Variants in SMYD3 observed in about 807,000 individuals in gnomAD.
SMYD3 encodes the protein SET and MYND domain containing 3, also known as histone-lysine N-methyltransferase SMYD3.
In SMYD3, 36 loss-of-function variants were observed where a neutral mutation model predicts 57.7. The observed-to-expected ratio is 0.62, with a 90% CI of 0.48 to 0.82. The LOEUF (loss-of-function observed/expected upper bound fraction) is 0.82. Ranked by LOEUF, SMYD3 falls within the 40% of genes least tolerant of loss-of-function variation. The pLI is 0.00. For missense variants in SMYD3, 515 were observed against 538.8 expected (o/e 0.96, Z 0.44); for synonymous variants, 211 against 195.0 (o/e 1.08, Z -0.68).
At chr1:245,791,469 A>G (rs913366492) in intron 10 of SMYD3, among the ~76,000 whole-genome samples, 1 of 152,212 alleles carries the variant, frequency 6.6e-6, no homozygotes. Context: ...TGTCTCTGCT[A>G]GTAATCAAGG....
chr1:245,971,464 T>C (rs2058301339), intron 5 of SMYD3, among the ~76,000 whole-genome samples: 1 of 152,002 alleles, frequency 6.6e-6, no homozygotes, highest in South Asian at 2.1e-4. Context: ...AAAATCAATG[T>C]GTCATTTGAG....
At chr1:246,019,890 T>C (rs994770159) in intron 5 of SMYD3, among the ~76,000 whole-genome samples, 1 of 152,216 alleles carries the variant, frequency 6.6e-6, no homozygotes, top group African/African-American at 2.4e-5. Flanking sequence ...AAAATACATA[T>C]ATAGCAGCAT....
chr1:246,395,378 T>A (rs2066642572), intron 1 of SMYD3, among the ~76,000 whole-genome samples: 1 of 152,232 alleles, frequency 6.6e-6, no homozygotes, highest in Non-Finnish European at 1.5e-5. Context: ...AATACCAACA[T>A]CTCTCATGCA....
intron 1 of SMYD3, among the ~76,000 whole-genome samples, chr1:246,447,936 A>T (rs752274880): frequency 6.6e-6 from 1 of 152,178 alleles, no homozygotes; most frequent in Non-Finnish European, 1.5e-5. Context: ...ACAACTTTCC[A>T]CGTCTGCTTC....
At chr1:245,885,368 A>G (rs2053032099) in intron 8 of SMYD3, among the ~76,000 whole-genome samples, 1 of 152,186 alleles carries the variant, frequency 6.6e-6, no homozygotes. Context: ...GCCCCCAGGT[A>G]GCCTTTTCTT....
At chr1:245,915,734 CTTG>C (rs2055361159) in intron 7 of SMYD3, 94 bp from the exon 8 acceptor site, 2 of 807,230 alleles carry the variant, frequency 2.5e-6, no homozygotes, top group Non-Finnish European at 3.8e-6. Flanking sequence ...TGGAGTAAAA[CTTG>C]TTTTTATTAT....
chr1:246,117,728 A>C (rs1427639403), intron 5 of SMYD3, among the ~76,000 whole-genome samples: 1 of 152,192 alleles, frequency 6.6e-6, no homozygotes, highest in Non-Finnish European at 1.5e-5. Context: ...CAGGATGTGC[A>C]GGTTTGTTAC....
At chr1:245,770,156 G>A (rs2046278993) in intron 10 of SMYD3, among the ~76,000 whole-genome samples, 1 of 152,226 alleles carries the variant, frequency 6.6e-6, no homozygotes, top group Non-Finnish European at 1.5e-5. Context: ...TTAAGAATCT[G>A]TTTGAAGGTA....
intron 5 of SMYD3, among the ~76,000 whole-genome samples, chr1:246,194,327 G>C (rs1340481390): frequency 1.3e-5 from 2 of 151,184 alleles, no homozygotes; most frequent in Admixed American, 6.6e-5. Context: ...GAGTGCAGTA[G>C]TGCGATCTCA....
chr1:246,306,599 C>G (rs972420045), intron 5 of SMYD3, among the ~76,000 whole-genome samples: 1 of 152,028 alleles, frequency 6.6e-6, no homozygotes, highest in African/African-American at 2.4e-5. Context: ...AAAAATAAAC[C>G]TCTATCTCCA....
At chr1:245,803,102 A>G (rs2047953300) in intron 10 of SMYD3, among the ~76,000 whole-genome samples, 1 of 152,166 alleles carries the variant, frequency 6.6e-6, no homozygotes, top group African/African-American at 2.4e-5. Flanking sequence ...CTCTTTCTTC[A>G]TTATCTGATT....
At chr1:246,171,255 T>C (rs1031202000) in intron 5 of SMYD3, among the ~76,000 whole-genome samples, 2 of 152,192 alleles carry the variant, frequency 1.3e-5, no homozygotes, top group African/African-American at 2.4e-5. Flanking sequence ...AGATATCAAG[T>C]TTATCCTATC....
intron 1 of SMYD3, among the ~76,000 whole-genome samples, chr1:246,429,736 G>A (rs1022158031): frequency 1.3e-5 from 2 of 152,226 alleles, no homozygotes; most frequent in Admixed American, 6.5e-5. Flanking sequence ...CACAGTGTCT[G>A]GGTCCTACAA....
intron 5 of SMYD3, among the ~76,000 whole-genome samples, chr1:245,940,209 A>G (rs1468609590): frequency 6.6e-6 from 1 of 152,150 alleles, no homozygotes; most frequent in African/African-American, 2.4e-5. Context: ...CCTGCCTGCT[A>G]GCTCTGAAGA....
intron 10 of SMYD3, among the ~76,000 whole-genome samples, chr1:245,822,555 G>GAAA (rs11431887): frequency 1.5e-5 from 2 of 135,426 alleles, no homozygotes; most frequent in African/African-American, 5.1e-5. Context: ...AATAATAAAA[G>GAAA]AAAAAAAAAA....
chr1:246,133,734 A>G (rs1649674516), intron 5 of SMYD3, among the ~76,000 whole-genome samples: 1 of 151,676 alleles, frequency 6.6e-6, no homozygotes, highest in African/African-American at 2.4e-5. Flanking sequence ...AGAAAGAGGG[A>G]GAACACATGT....
chr1:246,144,287 C>G (rs2061809021), intron 5 of SMYD3, among the ~76,000 whole-genome samples: 1 of 152,248 alleles, frequency 6.6e-6, no homozygotes, highest in Non-Finnish European at 1.5e-5. Flanking sequence ...AATTCTAACA[C>G]AGCCCCTTCT....
intron 5 of SMYD3, among the ~76,000 whole-genome samples, chr1:246,289,328 G>A (rs1193686766): frequency 6.6e-6 from 1 of 152,102 alleles, no homozygotes; most frequent in East Asian, 1.9e-4. Flanking sequence ...AAACTACAAC[G>A]TTAGCTTATA....
chr1:246,172,707 G>A (rs1283254323), intron 5 of SMYD3, among the ~76,000 whole-genome samples: 1 of 136,298 alleles, frequency 7.3e-6, no homozygotes, highest in African/African-American at 2.8e-5. Context: ...AACACTCACT[G>A]TTCTCTACTG....
Sources: allele counts gnomAD v4.1 joint callset (sites outside exome capture counted in the v4.1 genomes callset), GRCh38; gene constraint gnomAD v4.1.1; transcripts MANE v1.5; gene names NCBI Gene and HGNC (gene_info 2026-07-23, HGNC 2026-07-21).